The following UHRF1 variants were observed in gnomAD, a reference collection of about 807,000 sequenced individuals.
The protein encoded by UHRF1 is ubiquitin like with PHD and ring finger domains 1.
A neutral mutation model predicts 96.5 loss-of-function variants in UHRF1; 9 were observed. That is an observed-to-expected ratio of 0.09 (90% confidence interval 0.06 to 0.16). The LOEUF (loss-of-function observed/expected upper bound fraction) is 0.16, where lower values mean the gene tolerates loss of function less well. Among genes scored for constraint, UHRF1 ranks in the 10% least tolerant of loss-of-function variants. The probability of loss-of-function intolerance (pLI) is 1.00; values close to 1 mark genes in which losing one functional copy is unlikely to be tolerated. For synonymous variants in UHRF1, 455 were observed against 469.9 expected (o/e 0.97, Z 0.41); for missense variants, 626 against 1,131.1 (o/e 0.55, Z 6.40).
chr19:4,914,638 C>T (rs989632120), intron 2 of UHRF1, among the ~76,000 whole-genome samples: 5 of 150,826 alleles, frequency 3.3e-5, no homozygotes, highest in East Asian at 3.9e-4. Context: ...GAGGCATCTG[C>T]GGCCCCCACC....
chr19:4,942,664 G>A (rs1057383226), intron 7 of UHRF1, among the ~76,000 whole-genome samples: 4 of 151,970 alleles, frequency 2.6e-5, no homozygotes, highest in Non-Finnish European at 5.9e-5. Flanking sequence ...GGCCAGGCTG[G>A]TCTCTTAACT....
intron 1 of UHRF1, among the ~76,000 whole-genome samples, chr19:4,903,845 T>G (rs1463586783): frequency 3.9e-5 from 6 of 152,150 alleles, no homozygotes; most frequent in Non-Finnish European, 8.8e-5. Flanking sequence ...ACATTTATAT[T>G]GGTCTATATT....
intron 16 of UHRF1, among the ~76,000 whole-genome samples, chr19:4,958,131 G>A (rs540014498): frequency 7.9e-5 from 12 of 152,254 alleles, no homozygotes; most frequent in South Asian, 4.1e-4. Context: ...CTGCCTCCTC[G>A]GGCCCCACCT....
chr19:4,931,279 C>CACG, intron 4 of UHRF1, among the ~76,000 whole-genome samples: 2 of 152,240 alleles, frequency 1.3e-5, no homozygotes, highest in East Asian at 3.9e-4. Flanking sequence ...ATGGTGGCTG[C>CACG]GTCTGTCCGT....
chr19:4,913,420 A>AT (rs2032363728), intron 2 of UHRF1, among the ~76,000 whole-genome samples: 1 of 151,680 alleles, frequency 6.6e-6, no homozygotes, highest in Admixed American at 6.6e-5. Flanking sequence ...CGCCTGATTA[A>AT]TTTTTTGTAT....
Position 4,941,787 on chromosome 19 carries a change from A to G in UHRF1, c.929A>G (p.Asn310Ser), listed in dbSNP as rs2033411023. The G allele has an allele frequency of 6.4e-7, 1 of 1,572,162 alleles. No homozygotes were observed. The highest frequency in any genetic ancestry group is 1.9e-5 in the Admixed American group (1 of 52,756). The change falls in exon 7 of 17, where the codon AAC (asparagine) becomes AGC (serine). Residue 310 changes from asparagine to serine, a missense_variant. By Grantham distance (46) the Asn-to-Ser change is conservative. This residue lies in a region of UHRF1 where 198 missense variants were observed against 235.1 expected (regional missense o/e 0.84). Transcript: ENST00000650932. ...TGCAAGCACTGCAAGGACGACGTGA[A>G]CAGACTCTGCCGGGTCTGCGCCTGC... ...PSCKHCKDDV[N>S]RLCRVCACHL...
In UHRF1 at chr19:4,952,393, CTTTTTTTT is replaced by C. The variant is rs150183272; in HGVS notation, c.1818+1409_1818+1416del. ...ACAGGCGTAAGCCACCGCTCCCAGC[CTTTTTTTT>C]TTTTTTTTTTTGGAGACAGAGTCTC... On this transcript the variant is annotated intron_variant, in intron 13 of 16. Transcript: ENST00000650932. 3.6e-5 allele frequency among the ~76,000 whole-genome samples: 3 copies of C among 82,528 alleles called. No individual in the cohort carries two copies. In the East Asian group the frequency reaches 1.1e-3, roughly 29 times the overall value. The allele number at this position is 82,528 out of a possible 152,430, so 54.1% of individuals were successfully genotyped here.
intron 13 of UHRF1, among the ~76,000 whole-genome samples, chr19:4,953,545 C>T (rs2033774766): frequency 6.6e-6 from 1 of 152,018 alleles, no homozygotes; most frequent in African/African-American, 2.4e-5. Flanking sequence ...CTCACTACAG[C>T]CTCAAACTCC....
In UHRF1 at chr19:4,930,342, A is replaced by T. The variant is rs892530334; in HGVS notation, c.409-374A>T. Among the ~76,000 whole-genome samples, 3 of 152,178 alleles carry T rather than the reference A, an allele frequency of 2.0e-5. No homozygotes were observed. The highest frequency in any genetic ancestry group is 2.0e-4 in the Admixed American group (3 of 15,274). ...AGGCTAGTCTTGAATTCCGGGGCTC[A>T]AGCGATCCACCTGCCTCGGCCTCCC... On this transcript the variant is annotated intron_variant, in intron 3 of 16. Coordinates refer to ENST00000650932, the MANE Select transcript of UHRF1 (RefSeq NM_001048201.3). This position sits in a 1 kb window ranked among gnomAD's most constrained non-coding sequence, Gnocchi z 4.4.
chr19:4,916,597 C>T (rs1213250727), intron 2 of UHRF1, among the ~76,000 whole-genome samples: 5 of 152,250 alleles, frequency 3.3e-5, no homozygotes, highest in South Asian at 2.1e-4. Flanking sequence ...CACTAGCCCT[C>T]CACCCGTCCT....
intron 1 of UHRF1, among the ~76,000 whole-genome samples, chr19:4,904,165 T>C (rs1394314007): frequency 6.6e-6 from 1 of 151,062 alleles, no homozygotes; most frequent in African/African-American, 2.4e-5. Context: ...CTAATTTTTG[T>C]TCTTTTTGTT....
At chr19:4,943,252 AAG>A (rs1491365352) in intron 7 of UHRF1, among the ~76,000 whole-genome samples, 2 of 151,996 alleles carry the variant, frequency 1.3e-5, no homozygotes, top group Non-Finnish European at 2.9e-5. Flanking sequence ...AACAAAAAAA[AAG>A]GGGGGGTGGT....
At chr19:4,938,730 GTTT>G (rs71170880) in intron 5 of UHRF1, among the ~76,000 whole-genome samples, 260 of 61,548 alleles carry the variant, frequency 4.2e-3, no homozygotes, top group African/African-American at 0.013. Flanking sequence ...TTTTGGTCAG[GTTT>G]TTTTTTTTTT....
upstream of UHRF1, among the ~76,000 whole-genome samples, chr19:4,907,704 C>CTTTTTTT (rs59867968): frequency 8.4e-5 from 4 of 47,704 alleles, no homozygotes; most frequent in African/African-American, 1.0e-4. Flanking sequence ...TTGGCCTGAT[C>CTTTTTTT]TTTTTTTTTT....
At chr19:4,941,154 G>A (rs562914260) in intron 5 of UHRF1, among the ~76,000 whole-genome samples, 6 of 134,288 alleles carry the variant, frequency 4.5e-5, no homozygotes, top group East Asian at 2.4e-4. Context: ...GCAGTGGCGC[G>A]ATCTTGGCTC....
At chr19:4,910,850 G>C (rs967812644) in intron 1 of UHRF1, 26 bp from the exon 2 acceptor site, 2 of 1,580,372 alleles carry the variant, frequency 1.3e-6, no homozygotes, top group Admixed American at 1.7e-5. Flanking sequence ...AAAACTGATG[G>C]GGGTTTTTGC....
At chr19:4,960,028 T>C (rs1036657325) in intron 16 of UHRF1, among the ~76,000 whole-genome samples, 1 of 152,142 alleles carries the variant, frequency 6.6e-6, no homozygotes, top group Non-Finnish European at 1.5e-5. Context: ...AATTTTTGTA[T>C]TTTTAGTAGA....
At chr19:4,943,631 G>A (rs549966262) in intron 7 of UHRF1, among the ~76,000 whole-genome samples, 7 of 151,892 alleles carry the variant, frequency 4.6e-5, no homozygotes, top group Non-Finnish European at 1.0e-4. Flanking sequence ...GGAATTCTCC[G>A]TGGAAGGCCA....
Position 4,919,024 on chromosome 19 carries a change from A to AT in UHRF1, c.153+8006dup, listed in dbSNP as rs144245403. On this transcript the variant is annotated intron_variant, in intron 2 of 16. Coordinates refer to ENST00000650932, the MANE Select transcript of UHRF1 (RefSeq NM_001048201.3). ...GACCTGAGCCACTGCTCCTGACCTC[A>AT]TTTTTTTTTTTTTTTTTTTTGAGAC... Among the ~76,000 whole-genome samples, 581 of 119,368 alleles carry AT rather than the reference A, an allele frequency of 4.9e-3. 2 individuals carry two copies. The highest frequency in any genetic ancestry group is 0.013 in the East Asian group (52 of 3,972). 78.3% of individuals were successfully genotyped at this position (119,368 alleles called of 152,430 possible). A position where few individuals can be genotyped will look rare whatever the true frequency, so the allele number is the denominator to read the frequency against.
Sources: gnomAD v4.1 joint callset for allele counts (sites outside exome capture counted in the v4.1 genomes callset) on GRCh38, gnomAD v4.1.1 for gene constraint, gnomAD v4.1.1 regional missense constraint, Gnocchi (gnomAD v3.1) non-coding constraint, MANE v1.5 for transcripts, NCBI Gene and HGNC (gene_info 2026-07-23, HGNC 2026-07-21) for gene names.